CD72: variants seen among roughly 807,000 people sequenced by gnomAD.
CD72 encodes the protein CD72 molecule.
Under a neutral mutation model 50.7 loss-of-function variants are expected in CD72, and 28 were observed. That is an observed-to-expected ratio of 0.55 (90% CI 0.41 to 0.76). CD72 has a LOEUF of 0.76. Among genes scored for constraint, CD72 ranks in the 30% least tolerant of loss-of-function variants. The pLI, the probability that CD72 is intolerant of heterozygous loss-of-function variation, is 0.00. For synonymous variants in CD72, 176 were observed against 171.2 expected (o/e 1.03, Z -0.22); for missense variants, 403 against 420.6 (o/e 0.96, Z 0.37).
upstream of CD72, among the ~76,000 whole-genome samples, chr9:35,623,810 A>G (rs1176637512): frequency 2.0e-5 from 3 of 152,158 alleles, no homozygotes; most frequent in East Asian, 5.8e-4. Flanking sequence ...GCTACTCAGG[A>G]GGCTGAGGCA....
chr9:35,629,664 G>A (rs1423728587), intron 1 of CD72, among the ~76,000 whole-genome samples: 1 of 152,188 alleles, frequency 6.6e-6, no homozygotes, highest in East Asian at 1.9e-4. Context: ...GACAGAGCAA[G>A]GATAAGCCAG....
At chr9:35,644,350 CAAAAAAAAAAAAA>C (rs74176726) in intron 1 of CD72, among the ~76,000 whole-genome samples, 2 of 68,196 alleles carry the variant, frequency 2.9e-5, no homozygotes, top group Non-Finnish European at 5.1e-5. Context: ...AACTCTGTCT[CAAAAAAAAAAAAA>C]AAAAAAAAAA....
At chr9:35,617,399 G>A (rs1392866327) in intron 2 of CD72, 152 bp from the exon 3 acceptor site, 34 of 855,578 alleles carry the variant, frequency 4.0e-5, no homozygotes, top group Non-Finnish European at 5.1e-5. Context: ...ACTCTCCTGA[G>A]TTCCTCCTCT....
rs757182358 is a variant in CD72 at position 35,610,688 on chromosome 9, G to A, written c.1016C>T (p.Ser339Leu). 2 of 1,612,758 alleles carry A rather than the reference G, an allele frequency of 1.2e-6. No homozygotes were observed. Among genetic ancestry groups the A allele is most frequent in the South Asian group, 1.1e-5 (1 of 91,058 alleles). The change falls in exon 8 of 9, where the codon TCA becomes TTA. Residue 339 changes from serine to leucine, a missense_variant. By Grantham distance (145) the Ser-to-Leu change is moderately radical (BLOSUM62 -2). Transcript: ENST00000259633. ...HKTWSWWTLE[S>L]ESCRSSLPYI... ...GGGAAGAGAACTTCTACATGACTCT[G>A]ACTCCAGTGTCCACCATGACCAAGT...
intron 1 of CD72, among the ~76,000 whole-genome samples, chr9:35,644,015 G>C (rs1248588205): frequency 2.0e-5 from 3 of 150,098 alleles, no homozygotes; most frequent in African/African-American, 7.4e-5. Context: ...ACTGTAGAAG[G>C]CACTTTAGAA....
chr9:35,616,495 G>A, intron 4 of CD72, 105 bp downstream of exon 4: 1 of 1,010,012 alleles, frequency 9.9e-7, no homozygotes, highest in South Asian at 1.3e-5. Flanking sequence ...AGCTAAGGAG[G>A]TGGTGGTAGT....
rs996987292 is a variant in CD72 at position 35,636,301 on chromosome 9, T to C, written n.408+10102A>G. Among the ~76,000 whole-genome samples the C allele has an allele frequency of 2.0e-5, 3 of 152,180 alleles. No homozygotes were observed. In the East Asian group the frequency reaches 5.8e-4, roughly 29 times the overall value. ...GGTTGAGAACCACTGTTGTGTAGCC[T>C]TTGGTTCTATTTGACTTTTTTTTTA... On this transcript the variant is annotated intron_variant and non_coding_transcript_variant, in intron 1 of 3. Coordinates refer to the CD72 transcript ENST00000465754.
intron 1 of CD72, among the ~76,000 whole-genome samples, chr9:35,625,979 G>A (rs1487373036): frequency 1.3e-5 from 2 of 151,958 alleles, no homozygotes; most frequent in Non-Finnish European, 2.9e-5. Flanking sequence ...GGAGATTAAC[G>A]TTGTTTTCAC....
chr9:35,639,190 A>T lies in CD72; in HGVS notation n.408+7213T>A, dbSNP rs528168303. ...GGCTTTAAAAAAATAAACTAAGTAA[A>T]TTTTTTTTCCCTTGGGTAATAAAAT... is the stretch of plus-strand genomic sequence containing the variant. On this transcript the variant is annotated intron_variant and non_coding_transcript_variant, in intron 1 of 3. Coordinates refer to the CD72 transcript ENST00000465754. 1.1e-4 allele frequency among the ~76,000 whole-genome samples: 16 copies of T among 152,136 alleles called. No individual in the cohort carries two copies. The South Asian group carries it at 2.5e-3, about 24-fold the overall frequency.
intron 1 of CD72, chr9:35,643,019 G>C (rs1823353130): frequency 6.6e-6 from 1 of 152,226 alleles, no homozygotes; most frequent in Non-Finnish European, 1.5e-5. Flanking sequence ...CGCCTCTGCT[G>C]TAAGACAACC....
intron 1 of CD72, among the ~76,000 whole-genome samples, chr9:35,644,838 C>T (rs886734790): frequency 1.3e-5 from 2 of 151,438 alleles, no homozygotes; most frequent in African/African-American, 4.9e-5. Flanking sequence ...GTTGGTCTTT[C>T]CCCCACAGAA....
At chr9:35,615,059 G>C (rs1823045087) in intron 5 of CD72, among the ~76,000 whole-genome samples, 1 of 152,162 alleles carries the variant, frequency 6.6e-6, no homozygotes, top group African/African-American at 2.4e-5. Context: ...GGGCAGCTGT[G>C]ATCAGAGTGG....
intron 8 of CD72, 75 bp downstream of exon 8, chr9:35,610,525 GCC>G (rs1340252758): frequency 7.0e-5 from 77 of 1,106,928 alleles, no homozygotes; most frequent in Admixed American, 1.6e-4. Context: ...GGGCCCCTGG[GCC>G]CCTGCTCTGA....
intron 1 of CD72, among the ~76,000 whole-genome samples, chr9:35,632,634 T>C (rs1823256702): frequency 1.3e-5 from 2 of 151,614 alleles, no homozygotes; most frequent in South Asian, 4.2e-4. Flanking sequence ...TGGAGTGCAG[T>C]GGCACCATCT....
chr9:35,625,710 G>T (rs1214533583), intron 1 of CD72, among the ~76,000 whole-genome samples: 1 of 152,200 alleles, frequency 6.6e-6, no homozygotes, highest in Non-Finnish European at 1.5e-5. Flanking sequence ...AGAGGCTAAT[G>T]CAGCTCGTGG....
At chr9:35,630,519 T>C (rs1195845230) in intron 1 of CD72, among the ~76,000 whole-genome samples, 1 of 152,246 alleles carries the variant, frequency 6.6e-6, no homozygotes, top group African/African-American at 2.4e-5. Flanking sequence ...GTTAATTTTC[T>C]GTTTATTCCC....
At chr9:35,611,127 T>C (rs545747513) in intron 7 of CD72, among the ~76,000 whole-genome samples, 3 of 152,162 alleles carry the variant, frequency 2.0e-5, no homozygotes, top group Non-Finnish European at 4.4e-5. Context: ...GGTGTGCGCC[T>C]GTAGTCCCAG....
At chr9:35,618,748 G>A (rs924628936), upstream of CD72, 6 of 1,284,110 alleles carry the variant, frequency 4.7e-6, no homozygotes, top group Admixed American at 9.2e-5. Context: ...TGACCCAGAC[G>A]ATCTCCCCAG....
chr9:35,625,047 A>C (rs1334611469), intron 1 of CD72, among the ~76,000 whole-genome samples: 1 of 152,220 alleles, frequency 6.6e-6, no homozygotes, highest in Non-Finnish European at 1.5e-5. Context: ...ATGGTCTCTA[A>C]GTGTACAAGT....
Sources: allele counts gnomAD v4.1 joint callset (sites outside exome capture counted in the v4.1 genomes callset), GRCh38; gene constraint gnomAD v4.1.1; transcripts MANE v1.5; gene names NCBI Gene and HGNC (gene_info 2026-07-23, HGNC 2026-07-21).